The following FMNL2 variants were observed in gnomAD, a reference collection of about 807,000 sequenced individuals.
FMNL2 encodes the protein formin like 2.
A neutral mutation model predicts 130.2 loss-of-function variants in FMNL2; 51 were observed. That is an observed-to-expected ratio of 0.39 (90% CI 0.31 to 0.49). The LOEUF is 0.49. Ranked by LOEUF, FMNL2 falls within the 20% of genes least tolerant of loss-of-function variation. The probability of loss-of-function intolerance (pLI) is 0.85; values close to 1 mark genes in which losing one functional copy is unlikely to be tolerated. For missense variants in FMNL2, 977 were observed against 1,316.2 expected (o/e 0.74, Z 3.99); for synonymous variants, 465 against 467.1 (o/e 1.00, Z 0.06).
chr2:152,612,879 T>C (rs1698758649), intron 11 of FMNL2, among the ~76,000 whole-genome samples: 3 of 152,224 alleles, frequency 2.0e-5, no homozygotes, highest in African/African-American at 7.2e-5. Context: ...ATTTCAAGCC[T>C]GTTTCCAGCT....
chr2:152,537,518 G>A lies in FMNL2; in HGVS notation c.202-5221G>A, dbSNP rs1372685725. ...TCAGCAAATGTTCTTTGGCTCTGAC[G>A]TGAGCTTGACTAACTTATGTCTACT... On this transcript the variant is annotated intron_variant, in intron 2 of 25. Coordinates refer to ENST00000288670, the MANE Select transcript of FMNL2 (RefSeq NM_052905.4). Among the ~76,000 whole-genome samples, 9 of 152,322 alleles carry A rather than the reference G, an allele frequency of 5.9e-5. No homozygotes were observed. The South Asian group carries it at 8.3e-4, about 14-fold the overall frequency.
chr2:152,487,348 A>G (rs1423625506), intron 1 of FMNL2, among the ~76,000 whole-genome samples: 1 of 152,192 alleles, frequency 6.6e-6, no homozygotes. Context: ...AAACTCAGAA[A>G]TTTTTCTTGA....
At position 152,594,569 on chromosome 2, in the gene FMNL2, GAGCTGGC is replaced by G. The variant is rs75397650; in HGVS notation, c.877-12769_877-12763del. 0.013 allele frequency among the ~76,000 whole-genome samples: 1,989 copies of G among 152,310 alleles called. 97 individuals are homozygous for G. In the East Asian group the frequency reaches 0.17, roughly 13 times the overall value. On this transcript the variant is annotated intron_variant, in intron 9 of 25. Transcript: ENST00000288670. Reference sequence around the variant, plus strand: ...GTCGCTGTTTCCCTAGACTGAGAGTGAGCTGGCTGTGCTGGCCATGCTGTTAGTACCA... The same window carrying G: ...GTCGCTGTTTCCCTAGACTGAGAGTGTGTGCTGGCCATGCTGTTAGTACCA...
intron 9 of FMNL2, among the ~76,000 whole-genome samples, chr2:152,586,997 T>C (rs1697117601): frequency 6.6e-6 from 1 of 152,098 alleles, no homozygotes; most frequent in Non-Finnish European, 1.5e-5. Flanking sequence ...TGGAGGCTGT[T>C]TCACCCACAT....
chr2:152,633,723 C>T (rs1216192166), intron 21 of FMNL2, among the ~76,000 whole-genome samples: 3 of 152,226 alleles, frequency 2.0e-5, no homozygotes, highest in Non-Finnish European at 4.4e-5. Flanking sequence ...ATTAATTACA[C>T]CTCACAATTC....
chr2:152,423,371 T>TA (rs1180040891), intron 1 of FMNL2, among the ~76,000 whole-genome samples: 2 of 152,186 alleles, frequency 1.3e-5, no homozygotes, highest in Non-Finnish European at 1.5e-5. Context: ...GGTAAATAGA[T>TA]TGGCCAGTGT....
chr2:152,462,012 C>T (rs924337159), intron 1 of FMNL2, among the ~76,000 whole-genome samples: 4 of 152,098 alleles, frequency 2.6e-5, no homozygotes, highest in Admixed American at 6.5e-5. Context: ...CCTCCCACCT[C>T]AGTCTCCCAA....
intron 9 of FMNL2, among the ~76,000 whole-genome samples, chr2:152,604,901 T>G (rs1001006628): frequency 1.3e-5 from 2 of 152,090 alleles, no homozygotes; most frequent in African/African-American, 4.8e-5. Context: ...CAGCCTGTAT[T>G]GGGGTTTCTG....
At chr2:152,392,410 C>G (rs1229535095) in intron 1 of FMNL2, among the ~76,000 whole-genome samples, 2 of 152,074 alleles carry the variant, frequency 1.3e-5, no homozygotes, top group African/African-American at 4.8e-5. Context: ...CCTCCTGTTT[C>G]AGTCTGTTCT....
intron 3 of FMNL2, among the ~76,000 whole-genome samples, chr2:152,546,946 C>A (rs1258273474): frequency 7.4e-6 from 1 of 135,788 alleles, no homozygotes; most frequent in African/African-American, 2.8e-5. Flanking sequence ...TGCCCCCATT[C>A]TTTTTTTTTT....
chr2:152,440,654 C>G (rs1403357143), intron 1 of FMNL2, among the ~76,000 whole-genome samples: 4 of 152,164 alleles, frequency 2.6e-5, no homozygotes, highest in Non-Finnish European at 5.9e-5. Context: ...GGTTAAAAAA[C>G]AAAGAAGAGT....
intron 1 of FMNL2, among the ~76,000 whole-genome samples, chr2:152,414,270 T>A (rs775914136): frequency 6.6e-5 from 10 of 152,180 alleles, no homozygotes; most frequent in Non-Finnish European, 1.5e-4. Context: ...CTCTTTCACC[T>A]CTTTGTTTTT....
chr2:152,542,905 CT>C lies in FMNL2; in HGVS notation c.282+87del, dbSNP rs1245011135. 2.1e-6 allele frequency: 3 copies of C among 1,417,462 alleles called. No individual in the cohort carries two copies. The African/African-American group carries it at 4.2e-5, about 20-fold the overall frequency. 87.8% of individuals were successfully genotyped at this position (1,417,462 alleles called of 1,614,324 possible). A position where few individuals can be genotyped will look rare whatever the true frequency, so the allele number is the denominator to read the frequency against. On this transcript the variant is annotated intron_variant, in intron 3 of 25. Transcript: ENST00000288670. Reference sequence around the variant, plus strand: ...TGCATTGGAAGAGACCTTCCTTCCTCTGCATTAGAGCCTCTGCCAGAGCCTC... The same window carrying C: ...TGCATTGGAAGAGACCTTCCTTCCTCGCATTAGAGCCTCTGCCAGAGCCTC...
intron 25 of FMNL2, chr2:152,643,407 T>C: frequency 2.0e-6 from 3 of 1,535,978 alleles, no homozygotes; most frequent in Non-Finnish European, 1.7e-6. Context: ...TTGGCTGTCA[T>C]TTTCAATGCA....
chr2:152,640,011 A>G lies in FMNL2; in HGVS notation c.3000A>G (p.Glu1000=). 1 of 1,558,386 alleles carries G rather than the reference A, an allele frequency of 6.4e-7. No homozygotes were observed. Among genetic ancestry groups the G allele is most frequent in the Non-Finnish European group, 8.7e-7 (1 of 1,151,280 alleles). ...AAAAGCAGGAACAAGCTCTCATGGA[A>G]AAACTCCTAGAGCAAGAAGCTCTGA... ...LRKKQEQALM[E]KLLEQEALME... is the part of the protein sequence containing the mutation. The change falls in exon 24 of 26, where the codon GAA becomes GAG. Residue 1000 remains glutamate, a synonymous_variant. Transcript: ENST00000288670.
At chr2:152,480,941 T>A (rs1690484644) in intron 1 of FMNL2, among the ~76,000 whole-genome samples, 1 of 152,178 alleles carries the variant, frequency 6.6e-6, no homozygotes, top group Non-Finnish European at 1.5e-5. Flanking sequence ...AATTTTGGCC[T>A]CTCTGTTAGG....
intron 1 of FMNL2, among the ~76,000 whole-genome samples, chr2:152,505,091 G>A (rs1311484049): frequency 6.6e-6 from 1 of 152,094 alleles, no homozygotes; most frequent in Non-Finnish European, 1.5e-5. Flanking sequence ...TGTATGTTAT[G>A]AAAAGTCACA....
At chr2:152,558,236 G>T (rs1695333331) in intron 4 of FMNL2, among the ~76,000 whole-genome samples, 1 of 152,122 alleles carries the variant, frequency 6.6e-6, no homozygotes, top group Admixed American at 6.6e-5. Context: ...TGAATTTCTA[G>T]AAGCCCATAA....
intron 1 of FMNL2, among the ~76,000 whole-genome samples, chr2:152,423,189 GTTATA>G (rs1316459262): frequency 2.0e-5 from 3 of 152,124 alleles, no homozygotes; most frequent in Admixed American, 2.0e-4. Context: ...AAACAATCCA[GTTATA>G]TTATTTAATT....
Sources: allele counts gnomAD v4.1 joint callset (sites outside exome capture counted in the v4.1 genomes callset), GRCh38; gene constraint gnomAD v4.1.1; transcripts MANE v1.5; gene names NCBI Gene and HGNC (gene_info 2026-07-23, HGNC 2026-07-21).